The following NRXN2 variants were observed in gnomAD, a reference collection of about 807,000 sequenced individuals.
NRXN2 encodes neurexin 2.
A neutral mutation model predicts 128.8 loss-of-function variants in NRXN2; 29 were observed. The observed-to-expected ratio is 0.23, with a 90% CI of 0.17 to 0.31. The LOEUF is 0.31. Ranked by LOEUF, NRXN2 falls within the 10% of genes least tolerant of loss-of-function variation. The probability of loss-of-function intolerance (pLI) is 1.00; values close to 1 mark genes in which losing one functional copy is unlikely to be tolerated. For synonymous variants in NRXN2, 1,098 were observed against 1,075.2 expected, an observed-to-expected ratio of 1.02 and a Z score of -0.41; for missense variants, 1,881 against 2,452.6, an observed-to-expected ratio of 0.77 and a Z score of 4.92.
chr11:64,624,311 C>G (rs1219095093), intron 20 of NRXN2, among the ~76,000 whole-genome samples: 1 of 152,250 alleles, frequency 6.6e-6, no homozygotes, highest in East Asian at 1.9e-4. Flanking sequence ...GACATCCAAA[C>G]ATCCATCCAG....
intron 2 of NRXN2, among the ~76,000 whole-genome samples, chr11:64,710,699 A>C (rs2056805882): frequency 6.6e-6 from 1 of 152,220 alleles, no homozygotes; most frequent in African/African-American, 2.4e-5. Context: ...GGAAAGAAAG[A>C]GTCCTCATGC....
intron 4 of NRXN2, 83 bp from the exon 5 acceptor site, chr11:64,690,559 C>T: frequency 8.1e-7 from 1 of 1,240,956 alleles, no homozygotes; most frequent in Non-Finnish European, 1.2e-6. Context: ...AGGGCCCTCT[C>T]CAGGGTGGAG....
intron 12 of NRXN2, 27 bp downstream of exon 12, chr11:64,653,669 C>G: frequency 6.3e-7 from 1 of 1,589,980 alleles, no homozygotes; most frequent in Non-Finnish European, 8.6e-7. Context: ...CCTTGGGTCT[C>G]TGCAGAAGAA....
chr11:64,644,742 G>T (rs1389882161), intron 17 of NRXN2, among the ~76,000 whole-genome samples: 2 of 152,064 alleles, frequency 1.3e-5, no homozygotes, highest in African/African-American at 4.8e-5. Context: ...GCGGAGTGAG[G>T]AGGAGGGCTG....
intron 19 of NRXN2, among the ~76,000 whole-genome samples, chr11:64,629,097 A>T (rs7102344): frequency 0.49 from 74,824 of 151,714 alleles, 22,875 homozygotes; most frequent in Non-Finnish European, 0.7. Context: ...ACTCCAGCAT[A>T]GGTGAGCCCA....
intron 22 of NRXN2, 84 bp from the exon 23 acceptor site, chr11:64,608,166 C>G: frequency 2.0e-6 from 2 of 1,012,094 alleles, no homozygotes; most frequent in Non-Finnish European, 3.0e-6. Context: ...GAAACAACAG[C>G]CTCACACACC....
chr11:64,707,314 G>A (rs563983981), intron 2 of NRXN2, among the ~76,000 whole-genome samples: 18 of 151,756 alleles, frequency 1.2e-4, no homozygotes, highest in African/African-American at 4.1e-4. Context: ...GTGAACCCGG[G>A]AGGCAGAGCT....
chr11:64,614,973 G>A (rs963446495), intron 22 of NRXN2, among the ~76,000 whole-genome samples: 2 of 152,190 alleles, frequency 1.3e-5, no homozygotes, highest in African/African-American at 2.4e-5. Flanking sequence ...AGAGTGAAAC[G>A]GATCCTTGAT....
At chr11:64,709,060 C>T (rs912293010) in intron 2 of NRXN2, among the ~76,000 whole-genome samples, 1 of 151,860 alleles carries the variant, frequency 6.6e-6, no homozygotes. Context: ...GACATAGTGG[C>T]GGGCGCCTGT....
intron 22 of NRXN2, among the ~76,000 whole-genome samples, chr11:64,615,965 C>A (rs1359221003): frequency 6.6e-6 from 1 of 151,794 alleles, no homozygotes; most frequent in Non-Finnish European, 1.5e-5. Context: ...AACCAGTATG[C>A]ATGTTTCAGC....
intron 19 of NRXN2, among the ~76,000 whole-genome samples, chr11:64,629,053 G>A (rs145169739): frequency 1.3e-5 from 2 of 152,320 alleles, no homozygotes; most frequent in African/African-American, 4.8e-5. Context: ...ACAAGCCTGC[G>A]TAATTGGTGT....
At chr11:64,620,483 G>A (rs572038757) in intron 21 of NRXN2, 111 bp from the exon 22 acceptor site, 39 of 818,014 alleles carry the variant, frequency 4.8e-5, no homozygotes, top group East Asian at 1.3e-4. Flanking sequence ...GGGCTGAGAC[G>A]GACCAGACTG....
At chr11:64,720,367 G>A (rs545677963) in intron 1 of NRXN2, among the ~76,000 whole-genome samples, 14 of 152,378 alleles carry the variant, frequency 9.2e-5, no homozygotes, top group African/African-American at 2.4e-4. Context: ...ACACACAATC[G>A]GGGCATCCCC....
chr11:64,621,482 G>A (rs1027435715), intron 21 of NRXN2, among the ~76,000 whole-genome samples: 2 of 152,200 alleles, frequency 1.3e-5, no homozygotes, highest in Non-Finnish European at 2.9e-5. Flanking sequence ...TCTTTGCAGA[G>A]AGGAAGTGGG....
chr11:64,619,878 C>G (rs2042054470), intron 22 of NRXN2, among the ~76,000 whole-genome samples: 1 of 152,286 alleles, frequency 6.6e-6, no homozygotes, highest in African/African-American at 2.4e-5. Context: ...TACTAGTGGC[C>G]TAGAGAGCAC....
chr11:64,685,599 C>G, intron 6 of NRXN2, 47 bp downstream of exon 6: 1 of 1,613,022 alleles, frequency 6.2e-7, no homozygotes, highest in East Asian at 2.2e-5. Flanking sequence ...AACCCCCATT[C>G]TACCCCAGGT....
intron 17 of NRXN2, among the ~76,000 whole-genome samples, chr11:64,644,439 C>T (rs1473111019): frequency 6.6e-6 from 1 of 152,116 alleles, no homozygotes; most frequent in African/African-American, 2.4e-5. Flanking sequence ...GGACACCTGC[C>T]CACTGAGTGT....
Position 64,630,752 on chromosome 11 carries a change from T to G in NRXN2, c.3586-179A>C, listed in dbSNP as rs1177587508. 6.6e-6 allele frequency among the ~76,000 whole-genome samples: 1 copy of G among 152,196 alleles called. No individual in the cohort carries two copies. Among genetic ancestry groups the G allele is most frequent in the African/African-American group, 2.4e-5 (1 of 41,448 alleles). ...CCTTCCCCACATGCAAGGGAGTAAC[T>G]TGAGGCCGGAGGTGCGTGCAGAGCC... On this transcript the variant is annotated intron_variant, in intron 18 of 22. Transcript: ENST00000265459. This position sits in a 1 kb window ranked among gnomAD's most constrained non-coding sequence, Gnocchi z 4.6.
At chr11:64,620,975 G>C (rs930560914) in intron 21 of NRXN2, among the ~76,000 whole-genome samples, 4 of 151,988 alleles carry the variant, frequency 2.6e-5, no homozygotes, top group Non-Finnish European at 5.9e-5. Flanking sequence ...CAAGATGAGT[G>C]AGTGTAAGGA....
Sources: allele counts gnomAD v4.1 joint callset (sites outside exome capture counted in the v4.1 genomes callset), GRCh38; gene constraint gnomAD v4.1.1; non-coding constraint Gnocchi (gnomAD v3.1); transcripts MANE v1.5; gene names NCBI Gene and HGNC (gene_info 2026-07-23, HGNC 2026-07-21).